HPS1: variants seen among roughly 807,000 people sequenced by gnomAD.
HPS1 encodes the protein BLOC-3 complex member HPS1.
In HPS1, 59 loss-of-function variants were observed where a neutral mutation model predicts 90.6. The ratio of observed to expected loss-of-function variants is 0.65; its 90% confidence interval spans 0.53 to 0.81. The LOEUF is 0.81. Ranked by LOEUF, HPS1 falls within the 30% of genes least tolerant of loss-of-function variation. The pLI is 0.00. For missense variants in HPS1, 849 were observed against 896.7 expected, an observed-to-expected ratio of 0.95 and a Z score of 0.68; for synonymous variants, 388 against 384.4, an observed-to-expected ratio of 1.01 and a Z score of -0.11.
intron 17 of HPS1, chr10:98,420,404 A>G (rs1844702162): frequency 2.1e-6 from 1 of 465,394 alleles, no homozygotes; most frequent in South Asian, 2.0e-5. Context: ...TAACTTTACT[A>G]TACACATATG....
rs1415863655 is a variant in HPS1 at position 98,417,574 on chromosome 10, G to A, written c.2093C>T (p.Pro698Leu). The A allele has an allele frequency of 1.9e-6, 3 of 1,611,044 alleles. No individual in the cohort carries two copies. The highest frequency in any genetic ancestry group is 1.1e-5 in the South Asian group (1 of 90,868). The change falls in exon 20 of 20, where the codon CCC becomes CTC. Residue 698 changes from proline to leucine, a missense_variant. Coordinates refer to ENST00000361490, the MANE Select transcript of HPS1 (RefSeq NM_000195.5). This position sits in a 1 kb window ranked among gnomAD's most constrained non-coding sequence, Gnocchi z 4.2. ...ARRLWEASRI[P>L]LL The stretch of plus-strand genomic sequence containing the variant: ...TGCGGCCACCTTGGCCTAGAGCAGG[G>A]GGATACGGGAGGCCTCCCAGAGGCG...
chr10:98,415,196 C>T, downstream of HPS1: 1 of 1,578,530 alleles, frequency 6.3e-7, no homozygotes, highest in East Asian at 2.3e-5. Context: ...TTTTGTGCTG[C>T]CCTAGGCACG....
At chr10:98,429,234 G>A (rs1846029790) in intron 10 of HPS1, 1 of 1,097,898 alleles carries the variant, frequency 9.1e-7, no homozygotes, top group South Asian at 1.9e-5. Flanking sequence ...ATTTTAGAAT[G>A]TATAGAAATT....
rs755665063 is a variant in HPS1 at position 98,429,567 on chromosome 10, C to T, written c.937+6G>A. The stretch of plus-strand genomic sequence containing the variant: ...TTGTTTCCTCCTGCTTTCCTCCGGT[C>T]CTCACCTGAGCTCTGATCGCCAGGG... On this transcript the variant is annotated splice_donor_region_variant and intron_variant, in intron 10 of 19. Transcript: ENST00000361490. The T allele has an allele frequency of 9.9e-6, 16 of 1,614,084 alleles. No individual in the cohort carries two copies. Among genetic ancestry groups the T allele is most frequent in the African/African-American group, 1.3e-5 (1 of 74,932 alleles).
At chr10:98,418,988 G>A (rs943360084) in intron 18 of HPS1, among the ~76,000 whole-genome samples, 1 of 152,244 alleles carries the variant, frequency 6.6e-6, no homozygotes, top group African/African-American at 2.4e-5. Context: ...CAGGCCGGGG[G>A]AGCAGAGCTT....
chr10:98,431,993 A>G (rs893228067), intron 6 of HPS1, among the ~76,000 whole-genome samples: 1 of 152,218 alleles, frequency 6.6e-6, no homozygotes. Context: ...GCATAACTCA[A>G]TTTGCACTAG....
chr10:98,434,043 G>A lies in HPS1; in HGVS notation c.447C>T (p.Phe149=), dbSNP rs564896584. 262 of 1,555,260 alleles carry A rather than the reference G, an allele frequency of 1.7e-4. No homozygotes were observed. The highest frequency in any genetic ancestry group is 2.2e-4 in the Non-Finnish European group (255 of 1,149,314). Residue 149 remains phenylalanine, a synonymous_variant, in exon 6 of 20, where the codon TTC becomes TTT. Transcript: ENST00000361490. ...LAQRVQLWEH[F]QSLLWTYSRL... is the part of the protein sequence containing the mutation. ...GGCTGTAGGTCCACAGCAGGCTCTG[G>A]AAGTGCTCCCACAGCTGGACACGCT...
intron 18 of HPS1, among the ~76,000 whole-genome samples, chr10:98,419,631 C>T (rs565788162): frequency 1.3e-5 from 2 of 152,346 alleles, no homozygotes; most frequent in Admixed American, 1.3e-4. Flanking sequence ...CAGCCTGGCT[C>T]ACTGCTTCAA....
chr10:98,431,331 C>A (rs769627845), intron 6 of HPS1, 40 bp from the exon 7 acceptor site: 6 of 1,607,126 alleles, frequency 3.7e-6, no homozygotes, highest in Middle Eastern at 1.6e-4. Context: ...ATATCACCAA[C>A]AACCTTGCCC....
chr10:98,425,609 G>C lies in HPS1; in HGVS notation c.1267C>G (p.Pro423Ala). The C allele has an allele frequency of 6.2e-7, 1 of 1,613,884 alleles. No individual in the cohort carries two copies. Among genetic ancestry groups the C allele is most frequent in the Non-Finnish European group, 8.5e-7 (1 of 1,179,934 alleles). Reference sequence around the variant, plus strand: ...CTCTGGCGCAGGTCTCCCACGAGGGGCTGGGAGCGCAGGGAGGCCCCGGGC... The same window carrying C: ...CTCTGGCGCAGGTCTCCCACGAGGGCCTGGGAGCGCAGGGAGGCCCCGGGC... ...PEPGASLRSQ[P>A]LVGDLRQRMD... Residue 423 changes from proline to alanine, a missense_variant, in exon 13 of 20, where the codon CCC (proline) becomes GCC (alanine). Transcript: ENST00000361490.
chr10:98,415,130 A>G (rs760035937), downstream of HPS1: 24 of 1,612,862 alleles, frequency 1.5e-5, no homozygotes, highest in Non-Finnish European at 1.9e-5. Flanking sequence ...GGCCACTTGC[A>G]GCCATTTCTG....
chr10:98,418,546 G>A (rs1844424589), intron 18 of HPS1, among the ~76,000 whole-genome samples: 1 of 152,356 alleles, frequency 6.6e-6, no homozygotes, highest in Non-Finnish European at 1.5e-5. Flanking sequence ...CTGCAGGGCT[G>A]TCATACAGGT....
In HPS1 at chr10:98,423,868, T is replaced by G; in HGVS notation, c.1417A>C (p.Lys473Gln). The part of the protein sequence containing the change: ...SSWELLQACG[K>Q]LKRQLCAIYR... The stretch of plus-strand genomic sequence containing the variant: ...ATGGCGCAGAGCTGCCGCTTCAGCT[T>G]CCCACATGCCTGGAGCAGCCTGAGC... The change falls in exon 15 of 20, where the codon AAG (lysine) becomes CAG (glutamine). Residue 473 changes from lysine to glutamine, a missense_variant. Physicochemically the swap from Lys to Gln is moderately conservative, Grantham distance 53. Transcript: ENST00000361490. 5 of 1,613,854 alleles carry G rather than the reference T, an allele frequency of 3.1e-6. No homozygotes were observed. Among genetic ancestry groups the G allele is most frequent in the Non-Finnish European group, 4.2e-6 (5 of 1,180,014 alleles).
intron 3 of HPS1, among the ~76,000 whole-genome samples, chr10:98,440,082 C>T (rs1166416379): frequency 6.6e-6 from 1 of 152,200 alleles, no homozygotes; most frequent in Non-Finnish European, 1.5e-5. Flanking sequence ...GCCTTCTGAA[C>T]TGTGAGTCAA....
At chr10:98,440,874 G>A (rs1321810324) in intron 3 of HPS1, among the ~76,000 whole-genome samples, 1 of 152,052 alleles carries the variant, frequency 6.6e-6, no homozygotes, top group East Asian at 1.9e-4. Flanking sequence ...TGACATAGTT[G>A]TAACAGTAGT....
At chr10:98,430,475 T>C (rs988350215) in intron 8 of HPS1, 96 bp downstream of exon 8, 10 of 888,670 alleles carry the variant, frequency 1.1e-5, no homozygotes, top group South Asian at 2.8e-5. Flanking sequence ...TTAGAAAACA[T>C]GGAGTCCCCA....
intron 7 of HPS1, 99 bp downstream of exon 7, chr10:98,431,032 G>A: frequency 7.9e-7 from 1 of 1,269,412 alleles, no homozygotes; most frequent in Non-Finnish European, 1.1e-6. Flanking sequence ...TGGAGGAGGT[G>A]ATTCTTGGCT....
chr10:98,433,639 G>T (rs1175311950), intron 6 of HPS1, among the ~76,000 whole-genome samples: 5 of 152,066 alleles, frequency 3.3e-5, no homozygotes, highest in Non-Finnish European at 5.9e-5. Flanking sequence ...TTAGCGCTGT[G>T]TTTTTCTCCA....
intron 3 of HPS1, chr10:98,442,414 A>AT (rs1938588119): frequency 6.4e-6 from 1 of 155,392 alleles, no homozygotes; most frequent in Non-Finnish European, 1.4e-5. Flanking sequence ...GTATATACAT[A>AT]TCAAAGCTTA....
Sources: gnomAD v4.1 joint callset for allele counts (sites outside exome capture counted in the v4.1 genomes callset) on GRCh38, gnomAD v4.1.1 for gene constraint, Gnocchi (gnomAD v3.1) non-coding constraint, MANE v1.5 for transcripts, NCBI Gene and HGNC (gene_info 2026-07-23, HGNC 2026-07-21) for gene names.